COL26A1: variants seen among roughly 807,000 people sequenced by gnomAD.
The protein encoded by COL26A1 is collagen alpha-1(XXVI) chain.
COL26A1 carries 41 observed loss-of-function variants against 59.3 expected under a neutral mutation model. The ratio of observed to expected loss-of-function variants is 0.69; its 90% CI spans 0.54 to 0.90. COL26A1 has a LOEUF of 0.90. Among genes scored for constraint, COL26A1 ranks in the 40% least tolerant of loss-of-function variants. COL26A1 has a pLI of 0.00. For synonymous variants in COL26A1, 266 were observed against 256.0 expected, an observed-to-expected ratio of 1.04 and a Z score of -0.37; for missense variants, 612 against 602.3, an observed-to-expected ratio of 1.02 and a Z score of -0.17.
At chr7:101,468,486 G>T (rs1303183291) in intron 3 of COL26A1, among the ~76,000 whole-genome samples, 2 of 152,108 alleles carry the variant, frequency 1.3e-5, no homozygotes, top group Non-Finnish European at 2.9e-5. Flanking sequence ...GCCCTGCTGG[G>T]GAAGGGGCAC....
intron 1 of COL26A1, among the ~76,000 whole-genome samples, chr7:101,369,769 C>T (rs548551338): frequency 7.9e-5 from 12 of 152,064 alleles, no homozygotes; most frequent in African/African-American, 2.2e-4. Flanking sequence ...TGCTAGATAG[C>T]GTCAAGTTTC....
intron 3 of COL26A1, among the ~76,000 whole-genome samples, chr7:101,532,791 A>G (rs1795396112): frequency 6.6e-6 from 1 of 152,174 alleles, no homozygotes; most frequent in Admixed American, 6.6e-5. Context: ...AACACAATAG[A>G]AAAAGACCCC....
intron 1 of COL26A1, among the ~76,000 whole-genome samples, chr7:101,386,784 G>C (rs1791586736): frequency 6.6e-6 from 1 of 152,198 alleles, no homozygotes; most frequent in Admixed American, 6.5e-5. Context: ...GAGCACGGTG[G>C]ACCCAGACCC....
intron 3 of COL26A1, among the ~76,000 whole-genome samples, chr7:101,456,169 T>TATATATA (rs1554414262): frequency 1.6e-3 from 152 of 94,126 alleles, no homozygotes; most frequent in Middle Eastern, 4.9e-3. Context: ...TATATATATA[T>TATATATA]TTTTTTTTTA....
At chr7:101,369,405 T>TTAAA (rs1444761857) in intron 1 of COL26A1, among the ~76,000 whole-genome samples, 44 of 150,500 alleles carry the variant, frequency 2.9e-4, no homozygotes, top group African/African-American at 7.6e-4. Flanking sequence ...AGACTCAGTC[T>TTAAA]TAAATAAATA....
At position 101,537,590 on chromosome 7, in the gene COL26A1, C is replaced by A. The variant is rs529502665; in HGVS notation, c.448-2303C>A. Among the ~76,000 whole-genome samples the A allele has an allele frequency of 7.2e-5, 11 of 152,324 alleles. No individual in the cohort carries two copies. In the East Asian group the frequency reaches 1.7e-3, roughly 24 times the overall value. On this transcript the variant is annotated intron_variant, in intron 4 of 12. Coordinates refer to ENST00000313669, the MANE Select transcript of COL26A1 (RefSeq NM_001278563.3). ...TGGCAGGGGCAGATTCCAACCAGGGCTCCTCTGCCCAGGTCTGCAGGCTCT... is the reference window on the plus strand; with the variant it reads ...TGGCAGGGGCAGATTCCAACCAGGGATCCTCTGCCCAGGTCTGCAGGCTCT...
chr7:101,431,447 A>G (rs1293730857), intron 2 of COL26A1, among the ~76,000 whole-genome samples: 1 of 151,828 alleles, frequency 6.6e-6, no homozygotes, highest in Non-Finnish European at 1.5e-5. Flanking sequence ...TTTAGTAGGG[A>G]TGGGGTTTCA....
Position 101,553,502 on chromosome 7 carries a change from G to A in COL26A1, c.1080+126G>A, listed in dbSNP as rs1168656170. 3 of 825,370 alleles carry A rather than the reference G, an allele frequency of 3.6e-6. No individual in the cohort carries two copies. The East Asian group carries it at 7.9e-5, about 22-fold the overall frequency. The allele number at this position is 825,370 out of a possible 1,614,324, so 51.1% of individuals were successfully genotyped here. The stretch of plus-strand genomic sequence containing the variant: ...CCCCGAGCTGGGTGCTGGGCCACCG[G>A]GTGTACAGGGCCCCTGCCCTGAGAA... On this transcript the variant is annotated intron_variant, in intron 11 of 12. Transcript: ENST00000313669.
chr7:101,498,353 C>T (rs902944477), intron 3 of COL26A1, among the ~76,000 whole-genome samples: 1 of 152,172 alleles, frequency 6.6e-6, no homozygotes, highest in African/African-American at 2.4e-5. Context: ...AAGGCTGCCC[C>T]TAGTGCTCAG....
chr7:101,472,142 C>T (rs1489190414), intron 3 of COL26A1, among the ~76,000 whole-genome samples: 1 of 152,048 alleles, frequency 6.6e-6, no homozygotes, highest in African/African-American at 2.4e-5. Context: ...GTAGCTAAGA[C>T]TATAGGCATG....
chr7:101,486,468 G>A (rs1000185801), intron 3 of COL26A1, among the ~76,000 whole-genome samples: 5 of 152,250 alleles, frequency 3.3e-5, no homozygotes, highest in African/African-American at 1.2e-4. Flanking sequence ...GCAGGTCCCT[G>A]CACAGGCAGC....
At chr7:101,463,869 T>TTTCTTTCTTTCTTTCTTTCTTTCTTTC (rs767308668) in intron 3 of COL26A1, among the ~76,000 whole-genome samples, 9 of 91,692 alleles carry the variant, frequency 9.8e-5, no homozygotes, top group African/African-American at 5.3e-4. Context: ...CTCTTTTTTC[T>TTTCTTTCTTTCTTTCTTTCTTTCTTTC]TTTCTTTCTT....
intron 3 of COL26A1, among the ~76,000 whole-genome samples, chr7:101,472,357 C>A (rs1793925450): frequency 6.6e-6 from 1 of 152,182 alleles, no homozygotes; most frequent in African/African-American, 2.4e-5. Context: ...GATATCAGGG[C>A]ATCAGGACAT....
chr7:101,451,896 G>A (rs777745649), intron 3 of COL26A1, among the ~76,000 whole-genome samples: 8 of 151,856 alleles, frequency 5.3e-5, no homozygotes, highest in Non-Finnish European at 7.4e-5. Context: ...TAGTAGAGAT[G>A]GGGTTTCACC....
Position 101,539,828 on chromosome 7 carries a change from G to T in COL26A1, c.448-65G>T, listed in dbSNP as rs538742393. 1.6e-5 allele frequency: 24 copies of T among 1,513,496 alleles called. No homozygotes were observed. The African/African-American group carries it at 2.8e-4, about 17-fold the overall frequency. The allele number at this position is 1,513,496 out of a possible 1,614,324, so 93.8% of individuals were successfully genotyped here. On this transcript the variant is annotated intron_variant, in intron 4 of 12. Transcript: ENST00000313669. Reference sequence around the variant, plus strand: ...ATGGGGTGCACATGCATGTCCCTGTGTGTCACGCATGTCCCTATGTGTCAG... The same window carrying T: ...ATGGGGTGCACATGCATGTCCCTGTTTGTCACGCATGTCCCTATGTGTCAG...
At chr7:101,380,292 A>ATTTT in intron 1 of COL26A1, among the ~76,000 whole-genome samples, 1 of 115,906 alleles carries the variant, frequency 8.6e-6, no homozygotes, top group South Asian at 2.9e-4. Flanking sequence ...ACCCAGCTAC[A>ATTTT]TTTTTTTTTT....
chr7:101,380,386 T>C (rs10253888), intron 1 of COL26A1, among the ~76,000 whole-genome samples: 9,006 of 150,820 alleles, frequency 0.06, 620 homozygotes, highest in African/African-American at 0.16. Flanking sequence ...CCTCTGCCTT[T>C]CAGGTTCAAG....
rs1377038288 is a variant in COL26A1 at position 101,387,767 on chromosome 7, TATATATATATA to T, written c.158+24578_158+24588del. Reference sequence around the variant, plus strand: ...ATATATATATATTTATATATATATATATATATATATATTTTTTTTTAAGACAGAGTCTCACT... The same window carrying T: ...ATATATATATATTTATATATATATATTTTTTTTTTAAGACAGAGTCTCACT... On this transcript the variant is annotated intron_variant, in intron 1 of 12. Coordinates refer to ENST00000313669, the MANE Select transcript of COL26A1 (RefSeq NM_001278563.3). 7.2e-3 allele frequency among the ~76,000 whole-genome samples: 346 copies of T among 48,176 alleles called. 4 individuals carry two copies. Among genetic ancestry groups the T allele is most frequent in the Non-Finnish European group, 9.9e-3 (199 of 20,140 alleles). 31.6% of individuals were successfully genotyped at this position (48,176 alleles called of 152,430 possible).
chr7:101,516,556 C>T (rs1406986124), intron 3 of COL26A1, among the ~76,000 whole-genome samples: 2 of 152,172 alleles, frequency 1.3e-5, no homozygotes, highest in African/African-American at 4.8e-5. Context: ...TAGGCATAAG[C>T]TAGTGCACCT....
Sources: allele counts gnomAD v4.1 joint callset (sites outside exome capture counted in the v4.1 genomes callset), GRCh38; gene constraint gnomAD v4.1.1; transcripts MANE v1.5; gene names NCBI Gene and HGNC (gene_info 2026-07-23, HGNC 2026-07-21).